SPATA13: variants seen among roughly 807,000 people sequenced by gnomAD.
SPATA13 encodes spermatogenesis associated 13.
Under a neutral mutation model 104.0 loss-of-function variants are expected in SPATA13, and 50 were observed. The observed-to-expected ratio is 0.48, with a 90% confidence interval of 0.38 to 0.61. The LOEUF (loss-of-function observed/expected upper bound fraction) is 0.61. SPATA13 is among the 20% of genes least tolerant of loss of function. The probability of loss-of-function intolerance (pLI) is 0.00; values close to 1 mark genes in which losing one functional copy is unlikely to be tolerated. For missense variants in SPATA13, 1,524 were observed against 1,690.6 expected (o/e 0.90, Z 1.73); for synonymous variants, 606 against 667.5 (o/e 0.91, Z 1.42).
chr13:24,209,922 C>A (rs1246901193), intron 1 of SPATA13, among the ~76,000 whole-genome samples: 1 of 152,134 alleles, frequency 6.6e-6, no homozygotes, highest in African/African-American at 2.4e-5. Context: ...ATCCTTACCA[C>A]CGCTTGTAAC....
intron 3 of SPATA13, among the ~76,000 whole-genome samples, chr13:24,029,113 G>A (rs906938854): frequency 3.3e-5 from 5 of 151,600 alleles, no homozygotes; most frequent in African/African-American, 9.7e-5. Flanking sequence ...TGTTAGTAAC[G>A]GGGTCTCACT....
chr13:24,047,191 G>A (rs9580849), intron 3 of SPATA13, among the ~76,000 whole-genome samples: 1 of 151,958 alleles, frequency 6.6e-6, no homozygotes, highest in Admixed American at 6.6e-5. Flanking sequence ...GAATGCAGAA[G>A]TCTGAAAAAC....
At chr13:24,207,409 C>T (rs1219510399) in intron 1 of SPATA13, among the ~76,000 whole-genome samples, 1 of 152,162 alleles carries the variant, frequency 6.6e-6, no homozygotes, top group Admixed American at 6.6e-5. Context: ...AAATCTGTTC[C>T]AGTCCCCAGT....
Position 24,284,132 on chromosome 13 carries a change from T to C in SPATA13, c.2165-3T>C, listed in dbSNP as rs947862231. 6.2e-7 allele frequency: 1 copy of C among 1,606,388 alleles called. No homozygotes were observed. The highest frequency in any genetic ancestry group is 8.5e-7 in the Non-Finnish European group (1 of 1,174,604). On this transcript the variant is annotated splice_region_variant and splice_polypyrimidine_tract_variant and intron_variant, in intron 4 of 12. Coordinates refer to ENST00000382108, the MANE Select transcript of SPATA13 (RefSeq NM_001166271.3). ...AATCATGCCTTTGTTTTGTATGTTT[T>C]AGTTTCTTCAGATGGAGGTACTGAG...
intron 4 of SPATA13, among the ~76,000 whole-genome samples, chr13:24,272,174 C>A (rs1373400488): frequency 6.6e-6 from 1 of 152,178 alleles, no homozygotes; most frequent in Non-Finnish European, 1.5e-5. Context: ...CACGAACGGG[C>A]AGGGGTGGGG....
chr13:24,168,703 A>G (rs1316836770), intron 1 of SPATA13, among the ~76,000 whole-genome samples: 4 of 152,204 alleles, frequency 2.6e-5, no homozygotes, highest in Admixed American at 6.5e-5. Context: ...TAAATGTTCC[A>G]TGGCTGCTTC....
intron 1 of SPATA13, among the ~76,000 whole-genome samples, chr13:24,168,203 C>T (rs1040788926): frequency 6.6e-6 from 1 of 152,182 alleles, no homozygotes; most frequent in African/African-American, 2.4e-5. Flanking sequence ...GACTGTAAGA[C>T]TTGAGTAAGT....
chr13:24,108,368 A>C (rs921141744), intron 3 of SPATA13, among the ~76,000 whole-genome samples: 3 of 152,122 alleles, frequency 2.0e-5, no homozygotes, highest in African/African-American at 7.2e-5. Flanking sequence ...TTGTTCTCTC[A>C]GTGTTGAACT....
chr13:24,283,118 G>A (rs1033505684), intron 4 of SPATA13, among the ~76,000 whole-genome samples: 6 of 152,142 alleles, frequency 3.9e-5, no homozygotes, highest in Non-Finnish European at 8.8e-5. Flanking sequence ...TTTGCAATCG[G>A]GCCATCGCAC....
At chr13:24,179,283 G>A (rs1480415773) in intron 1 of SPATA13, among the ~76,000 whole-genome samples, 1 of 152,068 alleles carries the variant, frequency 6.6e-6, no homozygotes, top group African/African-American at 2.4e-5. Context: ...TTTCTCTTGG[G>A]CATATACCTA....
intron 1 of SPATA13, among the ~76,000 whole-genome samples, chr13:24,184,088 G>T (rs1460380087): frequency 6.6e-6 from 1 of 152,088 alleles, no homozygotes; most frequent in Non-Finnish European, 1.5e-5. Context: ...GAGCGCCAAG[G>T]GACAGTAACA....
chr13:24,128,741 A>G (rs888550181), intron 3 of SPATA13, among the ~76,000 whole-genome samples: 5 of 152,064 alleles, frequency 3.3e-5, no homozygotes, highest in Non-Finnish European at 7.4e-5. Flanking sequence ...TATTTAAAAA[A>G]AAAAAAAAAA....
chr13:24,142,628 C>T (rs772424831), intron 3 of SPATA13, among the ~76,000 whole-genome samples: 3 of 152,124 alleles, frequency 2.0e-5, no homozygotes, highest in Admixed American at 6.5e-5. Context: ...AATTACTACT[C>T]TTCAACAACT....
chr13:24,002,643 G>A (rs1477158676), intron 2 of SPATA13, among the ~76,000 whole-genome samples: 1 of 152,140 alleles, frequency 6.6e-6, no homozygotes, highest in Non-Finnish European at 1.5e-5. Context: ...CCAGTTCCTG[G>A]AGTCTCCTTG....
intron 4 of SPATA13, chr13:24,271,030 C>G (rs1874568572): frequency 1.4e-6 from 1 of 718,906 alleles, no homozygotes. Context: ...CACTCTCTCT[C>G]TCTCTCTCTC....
intron 3 of SPATA13, among the ~76,000 whole-genome samples, chr13:24,094,611 T>C (rs573471624): frequency 1.3e-5 from 2 of 152,180 alleles, no homozygotes; most frequent in Admixed American, 1.3e-4. Context: ...TAATTGAAGT[T>C]AGCTGTGTGT....
chr13:24,099,027 G>A (rs1880174036), intron 3 of SPATA13, among the ~76,000 whole-genome samples: 1 of 152,094 alleles, frequency 6.6e-6, no homozygotes, highest in Non-Finnish European at 1.5e-5. Flanking sequence ...TGAGGCTGCA[G>A]TGAGCTATGA....
intron 3 of SPATA13, among the ~76,000 whole-genome samples, chr13:24,060,686 T>C (rs1231513492): frequency 2.3e-5 from 3 of 130,786 alleles, no homozygotes; most frequent in Admixed American, 8.0e-5. Context: ...ACTATGCCTC[T>C]GACAAAGGTC....
intron 1 of SPATA13, among the ~76,000 whole-genome samples, chr13:24,176,952 CA>C (rs1410411874): frequency 6.6e-6 from 1 of 152,032 alleles, no homozygotes; most frequent in Non-Finnish European, 1.5e-5. Context: ...TTAGTGGAGA[CA>C]GGGTTTCGTC....
Sources: allele counts gnomAD v4.1 joint callset (sites outside exome capture counted in the v4.1 genomes callset), GRCh38; gene constraint gnomAD v4.1.1; transcripts MANE v1.5; gene names NCBI Gene and HGNC (gene_info 2026-07-23, HGNC 2026-07-21).